ECT2: variants seen among roughly 807,000 people sequenced by gnomAD.
ECT2 encodes the protein protein ECT2.
A neutral mutation model predicts 116.9 loss-of-function variants in ECT2; 61 were observed. The observed-to-expected ratio is 0.52, with a 90% CI of 0.42 to 0.65. The LOEUF (loss-of-function observed/expected upper bound fraction) is 0.65. ECT2 is among the 30% of genes least tolerant of loss of function. ECT2 has a pLI of 0.00. For missense variants in ECT2, 937 were observed against 1,078.7 expected (o/e 0.87, Z 1.84); for synonymous variants, 358 against 346.4 (o/e 1.03, Z -0.37).
chr3:172,823,933 C>CTT (rs71162315), downstream of ECT2, among the ~76,000 whole-genome samples: 55 of 126,634 alleles, frequency 4.3e-4, no homozygotes, highest in Non-Finnish European at 7.7e-4. Context: ...AAGTTTTTCT[C>CTT]TTTTTTTTTT....
intron 18 of ECT2, among the ~76,000 whole-genome samples, chr3:172,788,889 C>T (rs1724089454): frequency 6.6e-6 from 1 of 151,972 alleles, no homozygotes; most frequent in Non-Finnish European, 1.5e-5. Flanking sequence ...GAAACCTCGT[C>T]TCTACTAAAA....
intron 20 of ECT2, among the ~76,000 whole-genome samples, chr3:172,804,520 A>G (rs193134951): frequency 7.2e-5 from 11 of 152,242 alleles, no homozygotes; most frequent in Admixed American, 5.9e-4. Context: ...GGCAGAGTCA[A>G]TTTTCAATTA....
At chr3:172,776,207 T>A (rs1486062119) in intron 14 of ECT2, among the ~76,000 whole-genome samples, 2 of 129,990 alleles carry the variant, frequency 1.5e-5, no homozygotes, top group South Asian at 2.2e-4. Flanking sequence ...TCTTTTTTTT[T>A]TTTTTTTTTT....
At chr3:172,786,114 C>G (rs907017701) in intron 17 of ECT2, among the ~76,000 whole-genome samples, 3 of 152,110 alleles carry the variant, frequency 2.0e-5, no homozygotes, top group Non-Finnish European at 2.9e-5. Context: ...CAGATGCTCT[C>G]TGTGATGTAG....
intron 14 of ECT2, among the ~76,000 whole-genome samples, chr3:172,775,089 G>T (rs1034985643): frequency 3.3e-5 from 5 of 152,172 alleles, no homozygotes; most frequent in Non-Finnish European, 5.9e-5. Flanking sequence ...TGAATTCCAG[G>T]TGTCAATCTC....
chr3:172,783,696 C>T (rs1723114875), intron 15 of ECT2, 103 bp from the exon 16 acceptor site: 2 of 708,794 alleles, frequency 2.8e-6, no homozygotes, highest in South Asian at 1.7e-5. Flanking sequence ...CTTTTGCATC[C>T]ACTATGTCAG....
downstream of ECT2, among the ~76,000 whole-genome samples, chr3:172,822,400 A>G (rs995703091): frequency 1.6e-4 from 25 of 152,008 alleles, no homozygotes; most frequent in African/African-American, 6.0e-4. Context: ...ACTGAGGTTA[A>G]AAGAATAATC....
chr3:172,756,244 T>C (rs938936380), intron 4 of ECT2, among the ~76,000 whole-genome samples: 16 of 152,210 alleles, frequency 1.1e-4, no homozygotes, highest in African/African-American at 3.9e-4. Context: ...CACATCACAC[T>C]AGCCTTGCAA....
intron 24 of ECT2, among the ~76,000 whole-genome samples, chr3:172,819,347 T>C (rs1231031186): frequency 6.6e-6 from 1 of 152,088 alleles, no homozygotes; most frequent in Non-Finnish European, 1.5e-5. Flanking sequence ...TTTATTTTGA[T>C]TTACAGTTAT....
chr3:172,789,057 CAA>C (rs71162310), intron 18 of ECT2, among the ~76,000 whole-genome samples: 7 of 99,512 alleles, frequency 7.0e-5, no homozygotes, highest in African/African-American at 9.1e-5. Context: ...GACTCTGTCT[CAA>C]AAAAAAAAAA....
At chr3:172,818,514 T>C in intron 24 of ECT2, 5 of 1,200,628 alleles carry the variant, frequency 4.2e-6, no homozygotes, top group Non-Finnish European at 5.3e-6. Flanking sequence ...GACATTAATG[T>C]CATCTTCTCA....
At chr3:172,823,988 C>A (rs1333146298), downstream of ECT2, among the ~76,000 whole-genome samples, 2 of 150,116 alleles carry the variant, frequency 1.3e-5, no homozygotes, top group Non-Finnish European at 3.0e-5. Flanking sequence ...TCATATTCAC[C>A]ACTTATATTC....
chr3:172,784,899 G>T, intron 17 of ECT2, 96 bp downstream of exon 17: 1 of 768,322 alleles, frequency 1.3e-6, no homozygotes, highest in South Asian at 2.5e-5. Flanking sequence ...GAGTTTCTTA[G>T]ATTTCAGCAT....
At chr3:172,800,810 C>T (rs1265821240) in intron 18 of ECT2, among the ~76,000 whole-genome samples, 2 of 151,982 alleles carry the variant, frequency 1.3e-5, no homozygotes, top group Admixed American at 6.6e-5. Flanking sequence ...AAAGTGTTGC[C>T]GCCTTATATA....
chr3:172,802,747 T>A (rs1336163925), intron 19 of ECT2, 53 bp downstream of exon 19: 26 of 1,514,736 alleles, frequency 1.7e-5, no homozygotes, highest in Non-Finnish European at 2.2e-5. Flanking sequence ...GTTAATGAGG[T>A]TTCTGTGGTT....
At chr3:172,776,198 C>CT (rs60558773) in intron 14 of ECT2, among the ~76,000 whole-genome samples, 1,198 of 111,472 alleles carry the variant, frequency 0.011, 40 homozygotes, top group African/African-American at 0.035. Flanking sequence ...TCAGTTTTTT[C>CT]TTTTTTTTTT....
chr3:172,817,275 A>G (rs183154208), intron 24 of ECT2, among the ~76,000 whole-genome samples: 25 of 152,236 alleles, frequency 1.6e-4, no homozygotes, highest in African/African-American at 5.8e-4. Flanking sequence ...TTAAATATTT[A>G]TATCCAAACC....
chr3:172,813,609 C>T (rs1221393712), intron 22 of ECT2, among the ~76,000 whole-genome samples: 1 of 151,970 alleles, frequency 6.6e-6, no homozygotes, highest in African/African-American at 2.4e-5. Flanking sequence ...CCAGTTTTAA[C>T]CATTTTTAAG....
intron 20 of ECT2, 104 bp from the exon 21 acceptor site, chr3:172,805,624 AAAT>A: frequency 2.8e-6 from 3 of 1,089,278 alleles, no homozygotes; most frequent in East Asian, 2.6e-5. Flanking sequence ...AATAATAACT[AAAT>A]AAGTTATATA....
Sources: allele counts gnomAD v4.1 joint callset (sites outside exome capture counted in the v4.1 genomes callset), GRCh38; gene constraint gnomAD v4.1.1; transcripts MANE v1.5; gene names NCBI Gene and HGNC (gene_info 2026-07-23, HGNC 2026-07-21).